The following POLR2B variants were observed in gnomAD, a reference collection of about 807,000 sequenced individuals.
POLR2B encodes DNA-directed RNA polymerase II subunit RPB2.
In POLR2B, 57 loss-of-function variants were observed where a neutral mutation model predicts 144.6. The observed-to-expected ratio is 0.39, with a 90% CI of 0.32 to 0.49. POLR2B has a LOEUF of 0.49. Among genes scored for constraint, POLR2B ranks in the 20% least tolerant of loss-of-function variants. The pLI is 0.83. For synonymous variants in POLR2B, 442 were observed against 469.8 expected, an observed-to-expected ratio of 0.94 and a Z score of 0.77; for missense variants, 595 against 1,467.4, an observed-to-expected ratio of 0.41 and a Z score of 9.71.
At chr4:57,012,860 A>G (rs1170881867) in intron 13 of POLR2B, among the ~76,000 whole-genome samples, 1 of 149,512 alleles carries the variant, frequency 6.7e-6, no homozygotes, top group Non-Finnish European at 1.5e-5. Flanking sequence ...TATTTTTTTG[A>G]GGTGGAGTCT....
rs376972901 is a variant in POLR2B, at chr4:57,030,124, A to T, written c.3240-80A>T. On this transcript the variant is annotated intron_variant, in intron 23 of 24. Transcript: ENST00000314595. ...CTAGTTATCCGTCTTTGCAAATATT[A>T]TTCTCCACCTTTGCCATTATTCAAG... 1.0e-4 allele frequency: 116 copies of T among 1,127,736 alleles called. 1 individual carries two copies. In the African/African-American group the frequency reaches 1.7e-3, roughly 17 times the overall value. 69.9% of individuals were successfully genotyped at this position (1,127,736 alleles called of 1,614,324 possible).
Position 57,024,876 on chromosome 4 carries a change from T to G in POLR2B, c.2965-10T>G. Reference sequence around the variant, plus strand: ...AGCAACATTTTAAAGAGTACTTTTTTTTTTAAAAGGTATCGGCTAACAAGG... The same window carrying G: ...AGCAACATTTTAAAGAGTACTTTTTGTTTTAAAAGGTATCGGCTAACAAGG... On this transcript the variant is annotated splice_polypyrimidine_tract_variant and intron_variant, in intron 21 of 24. Coordinates refer to ENST00000314595, the MANE Select transcript of POLR2B (RefSeq NM_000938.3). 2 of 1,448,040 alleles carry G rather than the reference T, an allele frequency of 1.4e-6. No homozygotes were observed. Among genetic ancestry groups the G allele is most frequent in the Non-Finnish European group, 1.9e-6 (2 of 1,041,046 alleles). The allele number at this position is 1,448,040 out of a possible 1,614,324, so 89.7% of individuals were successfully genotyped here. A position where few individuals can be genotyped will look rare whatever the true frequency, so the allele number is the denominator to read the frequency against.
intron 6 of POLR2B, among the ~76,000 whole-genome samples, chr4:56,996,279 T>TATA (rs1553910018): frequency 3.5e-3 from 138 of 39,386 alleles, no homozygotes; most frequent in East Asian, 5.2e-3. Flanking sequence ...TATATATATA[T>TATA]TTTTTTTTTT....
At chr4:57,006,323 A>G (rs1464439880) in intron 9 of POLR2B, among the ~76,000 whole-genome samples, 1 of 152,106 alleles carries the variant, frequency 6.6e-6, no homozygotes, top group Non-Finnish European at 1.5e-5. Flanking sequence ...TTGTTTATTG[A>G]GATGGAATTT....
At chr4:57,005,567 C>A (rs760237283) in intron 8 of POLR2B, 33 bp from the exon 9 acceptor site, 3 of 1,519,520 alleles carry the variant, frequency 2.0e-6, no homozygotes, top group Non-Finnish European at 2.6e-6. Context: ...AAGTGTTTTC[C>A]CTCTTTCTTT....
intron 21 of POLR2B, among the ~76,000 whole-genome samples, chr4:57,024,679 G>T (rs1723659570): frequency 6.6e-6 from 1 of 151,944 alleles, no homozygotes; most frequent in African/African-American, 2.4e-5. Flanking sequence ...TAAATGTTTT[G>T]TGTAAGGTTA....
chr4:56,984,208 A>G (rs1373686298), intron 1 of POLR2B, among the ~76,000 whole-genome samples: 1 of 152,110 alleles, frequency 6.6e-6, no homozygotes, highest in African/African-American at 2.4e-5. Flanking sequence ...AGTCTCCTTC[A>G]TGAGTTCATT....
chr4:57,007,429 A>G (rs1438270915), intron 10 of POLR2B, among the ~76,000 whole-genome samples: 1 of 152,204 alleles, frequency 6.6e-6, no homozygotes, highest in Admixed American at 6.5e-5. Context: ...AAACAAAAAA[A>G]AAAACTTACT....
intron 7 of POLR2B, among the ~76,000 whole-genome samples, chr4:57,000,215 C>T (rs994293703): frequency 6.6e-6 from 1 of 152,180 alleles, no homozygotes; most frequent in Admixed American, 6.5e-5. Context: ...GCGGGAGGAT[C>T]ACTTGAGTCC....
chr4:56,997,727 G>C (rs1722733125), intron 6 of POLR2B, among the ~76,000 whole-genome samples: 1 of 152,234 alleles, frequency 6.6e-6, no homozygotes, highest in Non-Finnish European at 1.5e-5. Context: ...TGAATAGTGA[G>C]TGACAAGTAG....
At chr4:56,980,737 C>G (rs1038957749) in intron 1 of POLR2B, among the ~76,000 whole-genome samples, 1 of 151,984 alleles carries the variant, frequency 6.6e-6, no homozygotes, top group Non-Finnish European at 1.5e-5. Context: ...TACCCACCAT[C>G]TGCCCAGTTT....
Position 57,020,886 on chromosome 4 carries a change from A to G in POLR2B, c.2324-13A>G. The G allele has an allele frequency of 7.0e-7, 1 of 1,434,822 alleles. No homozygotes were observed. Among genetic ancestry groups the G allele is most frequent in the Non-Finnish European group, 9.8e-7 (1 of 1,016,434 alleles). The allele number at this position is 1,434,822 out of a possible 1,614,324, so 88.9% of individuals were successfully genotyped here. A position where few individuals can be genotyped will look rare whatever the true frequency, so the allele number is the denominator to read the frequency against. On this transcript the variant is annotated splice_polypyrimidine_tract_variant and intron_variant, in intron 16 of 24. Transcript: ENST00000314595. ...AGGTGATGTTTTAATGTATGCTCTT[A>G]AATTCACTGCAGGCATCAACTCAAT...
At chr4:56,991,273 G>A (rs890528378) in intron 3 of POLR2B, among the ~76,000 whole-genome samples, 83 of 152,214 alleles carry the variant, frequency 5.5e-4, no homozygotes, top group African/African-American at 2.0e-3. Flanking sequence ...ATTGCATGAA[G>A]TACATTATTA....
At chr4:57,012,680 G>C (rs1723230277) in intron 13 of POLR2B, among the ~76,000 whole-genome samples, 1 of 151,948 alleles carries the variant, frequency 6.6e-6, no homozygotes, top group Admixed American at 6.6e-5. Context: ...TTGTTGGGGG[G>C]CAGGGACAGA....
At chr4:56,993,290 G>A (rs988223009) in intron 3 of POLR2B, among the ~76,000 whole-genome samples, 1 of 152,128 alleles carries the variant, frequency 6.6e-6, no homozygotes, top group African/African-American at 2.4e-5. Context: ...GTGACAGAGT[G>A]AGACCCTGTC....
chr4:57,016,632 TAAG>T (rs146860135), intron 14 of POLR2B, among the ~76,000 whole-genome samples: 21,660 of 150,700 alleles, frequency 0.14, 1,868 homozygotes, highest in East Asian at 0.4. Context: ...AATAATATAA[TAAG>T]AAATTTAGTA....
chr4:57,030,342 G>A lies in POLR2B; in HGVS notation c.3378G>A (p.Ala1126=), dbSNP rs755284306. 2.2e-5 allele frequency: 36 copies of A among 1,613,966 alleles called. No individual in the cohort carries two copies. The highest frequency in any genetic ancestry group is 2.9e-5 in the Non-Finnish European group (34 of 1,179,980). Residue 1126 remains alanine (A), a synonymous_variant, in exon 24 of 25, where the codon GCG becomes GCA. Coordinates refer to ENST00000314595, the MANE Select transcript of POLR2B (RefSeq NM_000938.3). ...VHVCNLCGIM[A]IANTRTHTYE... is the part of the protein sequence containing the mutation. ...TTTGCAATCTTTGTGGAATAATGGC[G>A]ATTGCCAACACCAGGACCCATACAT...
At chr4:56,991,053 A>G (rs1722495698) in intron 3 of POLR2B, 155 bp downstream of exon 3, 1 of 566,280 alleles carries the variant, frequency 1.8e-6, no homozygotes, top group African/African-American at 1.9e-5. Flanking sequence ...TATTTTCTCT[A>G]ATGAAGAGGT....
At chr4:57,010,641 G>A in intron 11 of POLR2B, 107 bp from the exon 12 acceptor site, 1 of 1,326,206 alleles carries the variant, frequency 7.5e-7, no homozygotes, top group South Asian at 1.5e-5. Context: ...TGTATTCTTA[G>A]AAAGTAAGAA....
Sources: allele counts gnomAD v4.1 joint callset (sites outside exome capture counted in the v4.1 genomes callset), GRCh38; gene constraint gnomAD v4.1.1; transcripts MANE v1.5; gene names NCBI Gene and HGNC (gene_info 2026-07-23, HGNC 2026-07-21).